ABCA8: variants seen among roughly 807,000 people sequenced by gnomAD.
The protein encoded by ABCA8 is ABC-type organic anion transporter ABCA8.
Under a neutral mutation model 192.3 loss-of-function variants are expected in ABCA8, and 177 were observed. The ratio of observed to expected loss-of-function variants is 0.92; its 90% CI spans 0.81 to 1.04. ABCA8 has a LOEUF of 1.04. Ranked by LOEUF, ABCA8 falls within the 50% of genes least tolerant of loss-of-function variation. ABCA8 has a pLI of 0.00. For synonymous variants in ABCA8, 642 were observed against 690.2 expected (o/e 0.93, Z 1.09); for missense variants, 1,915 against 1,904.8 (o/e 1.01, Z -0.10).
chr17:68,903,217 G>GT (rs1171400640), intron 20 of ABCA8, 84 bp downstream of exon 20: 18 of 1,424,804 alleles, frequency 1.3e-5, no homozygotes, highest in East Asian at 1.1e-4. Flanking sequence ...ATATCTTTGT[G>GT]TTTTTTTGCT....
intron 30 of ABCA8, 104 bp downstream of exon 30, chr17:68,882,495 A>G: frequency 9.6e-7 from 1 of 1,040,246 alleles, no homozygotes; most frequent in Admixed American, 2.6e-5. Context: ...GCAATTACCT[A>G]CTAAAATAGT....
chr17:68,918,392 A>T (rs755802261), intron 15 of ABCA8, 35 bp downstream of exon 15: 1 of 1,546,900 alleles, frequency 6.5e-7, no homozygotes, highest in East Asian at 2.4e-5. Context: ...CATTTTTTAA[A>T]CTTTGAATTC....
intron 17 of ABCA8, among the ~76,000 whole-genome samples, chr17:68,916,570 ATATCT>A (rs1277703143): frequency 6.6e-6 from 1 of 152,218 alleles, no homozygotes; most frequent in Non-Finnish European, 1.5e-5. Flanking sequence ...ATAATGTTAA[ATATCT>A]TATCTGAGTC....
intron 38 of ABCA8, 149 bp from the exon 39 acceptor site, chr17:68,868,505 A>G: frequency 2.9e-6 from 2 of 679,904 alleles, no homozygotes; most frequent in Non-Finnish European, 4.9e-6. Flanking sequence ...TTCAGTTAAG[A>G]ATACACCAAT....
At position 68,868,368 on chromosome 17, in the gene ABCA8, T is replaced by C. The variant is rs576803172; in HGVS notation, c.4712-12A>G. 5.2e-5 allele frequency: 83 copies of C among 1,607,546 alleles called. No homozygotes were observed. In the Admixed American group the frequency reaches 1.1e-3, roughly 21 times the overall value. On this transcript the variant is annotated splice_polypyrimidine_tract_variant and intron_variant, in intron 38 of 39. Coordinates refer to ENST00000586539, the MANE Select transcript of ABCA8 (RefSeq NM_001288985.2). ...AAAGCTCTGTTTAACTGCATAGGGATGAACATGTATTAGTTCATATATTTC... is the reference window on the plus strand; with the variant it reads ...AAAGCTCTGTTTAACTGCATAGGGACGAACATGTATTAGTTCATATATTTC...
chr17:68,903,251 T>C (rs761524035), intron 20 of ABCA8, 50 bp downstream of exon 20: 1 of 1,597,784 alleles, frequency 6.3e-7, no homozygotes, highest in Non-Finnish European at 8.5e-7. Context: ...TAGATTTGCT[T>C]TTTAACGCAT....
In ABCA8 at chr17:68,906,158, A is replaced by G. The variant is rs886960281; in HGVS notation, c.2284T>C (p.Tyr762His). 1.2e-5 allele frequency: 19 copies of G among 1,569,454 alleles called. No homozygotes were observed. The highest frequency in any genetic ancestry group is 1.3e-5 in the Non-Finnish European group (15 of 1,162,108). The part of the protein sequence containing the change: ...LERTNKFPEL[Y>H]KDLDSYPDLG... ...TCAGGATAGCTATCAAGATCCTTGT[A>G]AAGTTCTAAAGAATACATATACAGC... The change falls in exon 19 of 40, where the codon TAC becomes CAC. Residue 762 changes from tyrosine (Y) to histidine (H), a missense_variant. Tyr to His is a moderately conservative substitution (Grantham distance 83). Coordinates refer to ENST00000586539, the MANE Select transcript of ABCA8 (RefSeq NM_001288985.2).
At chr17:68,922,407 T>A (rs2067569584) in intron 11 of ABCA8, 107 bp from the exon 12 acceptor site, 9 of 780,506 alleles carry the variant, frequency 1.2e-5, no homozygotes, top group Non-Finnish European at 1.8e-5. Flanking sequence ...CATGAAGATC[T>A]GGGTCTTCAC....
intron 8 of ABCA8, 75 bp downstream of exon 8, chr17:68,929,486 T>G: frequency 6.8e-7 from 1 of 1,470,558 alleles, no homozygotes. Context: ...AAAGGAGGCA[T>G]ACAGAGTAAT....
At position 68,883,902 on chromosome 17, in the gene ABCA8, C is replaced by A. The variant is rs752169590; in HGVS notation, c.3616-20G>T. On this transcript the variant is annotated intron_variant, in intron 28 of 39. Coordinates refer to ENST00000586539, the MANE Select transcript of ABCA8 (RefSeq NM_001288985.2). ...GAAAGGCTAGGAATAAAGAGAGATGCACAATTAGAAACATAAAAAGATAAT... is the reference window on the plus strand; with the variant it reads ...GAAAGGCTAGGAATAAAGAGAGATGAACAATTAGAAACATAAAAAGATAAT... 3 of 1,395,132 alleles carry A rather than the reference C, an allele frequency of 2.2e-6. No individual in the cohort carries two copies. The highest frequency in any genetic ancestry group is 2.3e-5 in the East Asian group (1 of 43,060). 86.4% of individuals were successfully genotyped at this position (1,395,132 alleles called of 1,614,324 possible).
intron 26 of ABCA8, among the ~76,000 whole-genome samples, chr17:68,886,031 G>GCAGAAGTA (rs1357978733): frequency 1.3e-5 from 2 of 152,152 alleles, no homozygotes; most frequent in African/African-American, 4.8e-5. Context: ...AATGGCTTAA[G>GCAGAAGTA]CAGAAGTACT....
chr17:68,924,813 G>C lies in ABCA8; in HGVS notation c.1330C>G (p.Gln444Glu), dbSNP rs1208455051. Residue 444 changes from glutamine to glutamate, a missense_variant, in exon 11 of 40, where the codon CAA (glutamine) becomes GAA (glutamate). Physicochemically the swap from Gln to Glu is conservative, Grantham distance 29 (BLOSUM62 2). Transcript: ENST00000586539. The stretch of plus-strand genomic sequence containing the variant: ...GCCACGTGATCAGTCTTTTGTGTTT[G>C]AGACCAAAATGAGGACTTCAGGAAA... ...LFFLKSSFWS[Q>E]TQKTDHVALE... 6.2e-7 allele frequency: 1 copy of C among 1,614,000 alleles called. No individual in the cohort carries two copies. The highest frequency in any genetic ancestry group is 8.5e-7 in the Non-Finnish European group (1 of 1,179,992).
chr17:68,895,765 T>A (rs143535825), intron 21 of ABCA8, among the ~76,000 whole-genome samples: 3 of 152,182 alleles, frequency 2.0e-5, no homozygotes, highest in Non-Finnish European at 4.4e-5. Context: ...TTTCCCCACA[T>A]CTGCGTTGCA....
intron 32 of ABCA8, chr17:68,879,610 G>A (rs1357531083): frequency 1.3e-5 from 2 of 152,794 alleles, no homozygotes; most frequent in East Asian, 3.8e-4. Context: ...TGTGACTGGG[G>A]CTGTGTACTC....
At chr17:68,935,684 AT>A (rs574006398) in intron 5 of ABCA8, among the ~76,000 whole-genome samples, 1 of 150,592 alleles carries the variant, frequency 6.6e-6, no homozygotes, top group Non-Finnish European at 1.5e-5. Flanking sequence ...AAATATAATG[AT>A]TTTTTTTCCT....
At chr17:68,925,013 G>T in intron 10 of ABCA8, 144 bp from the exon 11 acceptor site, 2 of 686,894 alleles carry the variant, frequency 2.9e-6, no homozygotes, top group Non-Finnish European at 4.6e-6. Flanking sequence ...TTTGACACAT[G>T]TAGCTTCATA....
intron 5 of ABCA8, among the ~76,000 whole-genome samples, chr17:68,934,392 A>C (rs1275051599): frequency 6.6e-6 from 1 of 152,206 alleles, no homozygotes; most frequent in African/African-American, 2.4e-5. Flanking sequence ...TATATGTTAC[A>C]GTAATAACCC....
chr17:68,890,767 C>T (rs573155496), intron 24 of ABCA8, among the ~76,000 whole-genome samples: 26 of 152,336 alleles, frequency 1.7e-4, no homozygotes, highest in African/African-American at 6.3e-4. Context: ...GATCCGCCCA[C>T]CTCGGTTTCC....
chr17:68,948,328 T>G (rs1214053473), intron 2 of ABCA8, among the ~76,000 whole-genome samples: 1 of 152,188 alleles, frequency 6.6e-6, no homozygotes, highest in Non-Finnish European at 1.5e-5. Flanking sequence ...CACACTGTCT[T>G]CCACAATGGT....
Sources: allele counts gnomAD v4.1 joint callset (sites outside exome capture counted in the v4.1 genomes callset), GRCh38; gene constraint gnomAD v4.1.1; transcripts MANE v1.5; gene names NCBI Gene and HGNC (gene_info 2026-07-23, HGNC 2026-07-21).